Variants in FAT3 observed in about 807,000 individuals in gnomAD.
FAT3 encodes the protein FAT atypical cadherin 3.
A neutral mutation model predicts 310.2 loss-of-function variants in FAT3; 95 were observed. That is an observed-to-expected ratio of 0.31 (90% CI 0.26 to 0.36). The LOEUF (loss-of-function observed/expected upper bound fraction) is 0.36. Among genes scored for constraint, FAT3 ranks in the 10% least tolerant of loss-of-function variants. The pLI is 1.00. For missense variants in FAT3, 5,408 were observed against 5,715.6 expected, an observed-to-expected ratio of 0.95 and a Z score of 1.74; for synonymous variants, 2,314 against 2,192.9, an observed-to-expected ratio of 1.06 and a Z score of -1.54.
At chr11:92,840,856 C>T in intron 18 of FAT3, 97 bp downstream of exon 18, 2 of 1,181,802 alleles carry the variant, frequency 1.7e-6, no homozygotes, top group Non-Finnish European at 2.3e-6. Context: ...AGTAAGTCAA[C>T]ATAATTCATT....
At position 92,511,376 on chromosome 11, in the gene FAT3, C is replaced by CT. The variant is rs969915169; in HGVS notation, c.3293-13248dup. Among the ~76,000 whole-genome samples the CT allele has an allele frequency of 8.2e-3, 1,217 of 148,218 alleles. 11 individuals are homozygous for CT. The highest frequency in any genetic ancestry group is 0.026 in the African/African-American group (1,061 of 40,604). Reference sequence around the variant, plus strand: ...ATAACAAAATATCTGGTTGACTCTTCTTTTTTTTTTGTTTCCAAATGCTCT... The same window carrying CT: ...ATAACAAAATATCTGGTTGACTCTTCTTTTTTTTTTTGTTTCCAAATGCTCT... On this transcript the variant is annotated intron_variant, in intron 2 of 27. Transcript: ENST00000525166.
chr11:92,725,568 C>G (rs1944974813), intron 4 of FAT3, among the ~76,000 whole-genome samples: 1 of 152,018 alleles, frequency 6.6e-6, no homozygotes, highest in Non-Finnish European at 1.5e-5. Context: ...AAAAAAAGAT[C>G]TTGTTACTTA....
chr11:92,478,914 C>A (rs912290603), intron 2 of FAT3, among the ~76,000 whole-genome samples: 1 of 149,194 alleles, frequency 6.7e-6, no homozygotes, highest in Non-Finnish European at 1.5e-5. Context: ...CTGCGCCTGG[C>A]TGGCTTTCTT....
chr11:92,825,991 C>G (rs943149954), intron 13 of FAT3, among the ~76,000 whole-genome samples: 1 of 152,090 alleles, frequency 6.6e-6, no homozygotes, highest in African/African-American at 2.4e-5. Flanking sequence ...ACTACTATGT[C>G]CAGTTCAAAT....
intron 2 of FAT3, among the ~76,000 whole-genome samples, chr11:92,450,047 T>C (rs1951316090): frequency 6.6e-6 from 1 of 152,140 alleles, no homozygotes; most frequent in Admixed American, 6.5e-5. Context: ...ATGCCTTGTC[T>C]TGTCTAACTC....
At chr11:92,306,745 A>G (rs994261038) in intron 1 of FAT3, among the ~76,000 whole-genome samples, 3 of 126,316 alleles carry the variant, frequency 2.4e-5, no homozygotes, top group Non-Finnish European at 3.2e-5. Flanking sequence ...TTATATATAA[A>G]TATATATAAA....
chr11:92,893,646 C>T lies in FAT3; in HGVS notation c.*2533C>T, dbSNP rs192263719. The stretch of plus-strand genomic sequence containing the variant: ...AAATTGTGCCCACCCTTTGCTGTGA[C>T]CTATATAAAATATCTCTTTCTTTGG... On this transcript the variant is annotated 3_prime_UTR_variant, in exon 28 of 28. Coordinates refer to ENST00000525166, the MANE Select transcript of FAT3 (RefSeq NM_001367949.2). The T allele has an allele frequency of 1.3e-5, 2 of 152,264 alleles. No homozygotes were observed. Among genetic ancestry groups the T allele is most frequent in the Admixed American group, 1.3e-4 (2 of 15,298 alleles). The allele number at this position is 152,264 out of a possible 1,614,324, so 9.4% of individuals were successfully genotyped here.
chr11:92,758,836 A>G (rs1483940925), intron 4 of FAT3, among the ~76,000 whole-genome samples: 2 of 152,108 alleles, frequency 1.3e-5, no homozygotes, highest in African/African-American at 4.8e-5. Flanking sequence ...TTGGATATAG[A>G]TAGTTAGACA....
chr11:92,488,447 ACCGCCCCCCCCC>A (rs1223512915), intron 2 of FAT3, among the ~76,000 whole-genome samples: 21 of 5,016 alleles, frequency 4.2e-3, no homozygotes, highest in Admixed American at 0.017. Flanking sequence ...AATAACTAGC[ACCGCCCCCCCCC>A]CCGCCCCCCA....
chr11:92,521,324 A>G (rs369546028), intron 2 of FAT3, among the ~76,000 whole-genome samples: 1 of 152,148 alleles, frequency 6.6e-6, no homozygotes, highest in Admixed American at 6.6e-5. Context: ...ACACAAAAAA[A>G]TTATGTAATG....
intron 2 of FAT3, among the ~76,000 whole-genome samples, chr11:92,439,630 T>G (rs964819673): frequency 1.3e-5 from 2 of 152,034 alleles, no homozygotes; most frequent in African/African-American, 4.8e-5. Context: ...CTAGACCTGC[T>G]AAAGGCCAGG....
Position 92,768,960 on chromosome 11 carries a change from A to C in FAT3, c.4195+3871A>C, listed in dbSNP as rs117691351. ...ATGCTATAACTAATAAATTCTCATT[A>C]AGTGAGCAGAAATAGTGTTTCAGCA... On this transcript the variant is annotated intron_variant, in intron 6 of 27. Transcript: ENST00000525166. Among the ~76,000 whole-genome samples the C allele has an allele frequency of 8.5e-3, 1,295 of 152,324 alleles. 6 individuals are homozygous for C. Among genetic ancestry groups the C allele is most frequent in the Non-Finnish European group, 0.012 (849 of 68,032 alleles).
At chr11:92,343,192 A>T (rs769361209) in intron 1 of FAT3, among the ~76,000 whole-genome samples, 3 of 152,062 alleles carry the variant, frequency 2.0e-5, no homozygotes, top group African/African-American at 4.8e-5. Context: ...CTAAGAGACC[A>T]CTCTTAGACA....
rs1948442790 is a variant in FAT3, at chr11:92,837,736, A to T, written c.10298A>T (p.Asn3433Ile). 1.2e-6 allele frequency: 2 copies of T among 1,613,868 alleles called. No homozygotes were observed. The change falls in exon 17 of 28, where the codon AAC becomes ATC. Residue 3433 changes from asparagine (N) to isoleucine (I), a missense_variant. By Grantham distance (149) the Asn-to-Ile change is moderately radical. Coordinates refer to ENST00000525166, the MANE Select transcript of FAT3 (RefSeq NM_001367949.2). ...GCAATGTCATCAACTGCAACTGTCA[A>T]CATTGATATTTCTGATGTGAATGAC... ...IPAMSSTATV[N>I]IDISDVNDNS...
intron 2 of FAT3, among the ~76,000 whole-genome samples, chr11:92,357,995 T>G (rs1341879744): frequency 1.5e-5 from 2 of 136,928 alleles, no homozygotes; most frequent in Non-Finnish European, 3.0e-5. Flanking sequence ...ATGGTGGAAT[T>G]CCTAAAAAAA....
intron 20 of FAT3, 65 bp downstream of exon 20, chr11:92,857,413 A>C: frequency 6.2e-7 from 1 of 1,601,032 alleles, no homozygotes; most frequent in South Asian, 1.1e-5. Context: ...CCCTTGAGTA[A>C]ATTACACCAT....
At chr11:92,244,138 T>A (rs751736985) in intron 1 of FAT3, among the ~76,000 whole-genome samples, 147 of 152,090 alleles carry the variant, frequency 9.7e-4, no homozygotes, top group Admixed American at 2.0e-3. Flanking sequence ...GTGCAGCTGT[T>A]AAATAACATC....
rs142522030 is a variant in FAT3 at position 92,601,320 on chromosome 11, G to A, written c.3607+76372G>A. Among the ~76,000 whole-genome samples the A allele has an allele frequency of 7.7e-3, 1,163 of 151,932 alleles. 17 individuals carry two copies. The highest frequency in any genetic ancestry group is 0.026 in the African/African-American group (1,091 of 41,244). Reference sequence around the variant, plus strand: ...CACCCCTGTAATCCCGGCACTTTGCGAAGCTGAGGCGGGCAGATCACCTGA... The same window carrying A: ...CACCCCTGTAATCCCGGCACTTTGCAAAGCTGAGGCGGGCAGATCACCTGA... On this transcript the variant is annotated intron_variant, in intron 3 of 27. Transcript: ENST00000525166.
At chr11:92,459,488 G>T (rs547613300) in intron 2 of FAT3, among the ~76,000 whole-genome samples, 2 of 152,170 alleles carry the variant, frequency 1.3e-5, no homozygotes, top group Non-Finnish European at 2.9e-5. Flanking sequence ...ATTTTAACGG[G>T]CCTACTTGTG....
Sources: allele counts gnomAD v4.1 joint callset (sites outside exome capture counted in the v4.1 genomes callset), GRCh38; gene constraint gnomAD v4.1.1; transcripts MANE v1.5; gene names NCBI Gene and HGNC (gene_info 2026-07-23, HGNC 2026-07-21).